PPT2: variants seen among roughly 807,000 people sequenced by gnomAD.
PPT2 encodes the protein palmitoyl-protein thioesterase 2.
In PPT2, 20 loss-of-function variants were observed where a neutral mutation model predicts 37.3. The ratio of observed to expected loss-of-function variants is 0.54; its 90% CI spans 0.38 to 0.78. The LOEUF is 0.78. Ranked by LOEUF, PPT2 falls within the 30% of genes least tolerant of loss-of-function variation. PPT2 has a pLI of 0.00. For synonymous variants in PPT2, 135 were observed against 159.1 expected (o/e 0.85, Z 1.14); for missense variants, 270 against 389.8 (o/e 0.69, Z 2.59).
rs750842535 is a variant in PPT2, at chr6:32,155,861, CG to C, written c.434-9del. 94 of 1,612,754 alleles carry C rather than the reference CG, an allele frequency of 5.8e-5. 1 individual carries two copies. Among genetic ancestry groups the C allele is most frequent in the South Asian group, 4.5e-4 (41 of 91,054 alleles). On this transcript the variant is annotated splice_polypyrimidine_tract_variant and intron_variant, in intron 4 of 8. Coordinates refer to ENST00000324816, the MANE Select transcript of PPT2 (RefSeq NM_005155.7). This position sits in a 1 kb window ranked among gnomAD's most constrained non-coding sequence, Gnocchi z 4.3. ...TTTATGGTCACTTAGCATTGCCATT[CG>C]CTTGCCAGACACGGACTACTTGAAG...
At position 32,154,414 on chromosome 6, in the gene PPT2, C is replaced by A; in HGVS notation, c.-9+10C>A. 1 of 1,453,140 alleles carries A rather than the reference C, an allele frequency of 6.9e-7. No individual in the cohort carries two copies. Among genetic ancestry groups the A allele is most frequent in the Non-Finnish European group, 9.0e-7 (1 of 1,109,344 alleles). The allele number at this position is 1,453,140 out of a possible 1,614,324, so 90.0% of individuals were successfully genotyped here. On this transcript the variant is annotated intron_variant, in intron 1 of 8. Transcript: ENST00000324816. This position sits in a 1 kb window ranked among gnomAD's most constrained non-coding sequence, Gnocchi z 7.3. ...CTTCGGGTGCGCGTTGGTGCGTCAACGTGGTGGGGGGGTGTGTTTGTAGGG... is the reference window on the plus strand; with the variant it reads ...CTTCGGGTGCGCGTTGGTGCGTCAAAGTGGTGGGGGGGTGTGTTTGTAGGG...
Position 32,155,604 on chromosome 6 carries a change from G to C in PPT2, c.338-84G>C. On this transcript the variant is annotated intron_variant, in intron 3 of 8. Coordinates refer to ENST00000324816, the MANE Select transcript of PPT2 (RefSeq NM_005155.7). The surrounding 1 kb of genome is among the most constrained non-coding windows in gnomAD (Gnocchi z 4.3). Reference sequence around the variant, plus strand: ...TGTCTCTGTGTGTGTGTGTGTGTGTGTGTGTGTGTGTGTGGTGGGGGTGGG... The same window carrying C: ...TGTCTCTGTGTGTGTGTGTGTGTGTCTGTGTGTGTGTGTGGTGGGGGTGGG... 1.1e-6 allele frequency: 1 copy of C among 872,558 alleles called. No homozygotes were observed. Among genetic ancestry groups the C allele is most frequent in the Non-Finnish European group, 1.9e-6 (1 of 522,320 alleles). 54.1% of individuals were successfully genotyped at this position (872,558 alleles called of 1,614,324 possible). A position where few individuals can be genotyped will look rare whatever the true frequency, so the allele number is the denominator to read the frequency against.
chr6:32,154,988 T>G lies in PPT2; in HGVS notation c.184-42T>G, dbSNP rs373141585. 1.4e-4 allele frequency: 224 copies of G among 1,610,808 alleles called. No individual in the cohort carries two copies. Among genetic ancestry groups the G allele is most frequent in the Non-Finnish European group, 1.8e-4 (215 of 1,179,602 alleles). The stretch of plus-strand genomic sequence containing the variant: ...GGCCAGGGGGTGGCGTGTGGGAGCT[T>G]CTTAGCCTATCCCCGGTGGCTGCAT... On this transcript the variant is annotated intron_variant, in intron 2 of 8. Transcript: ENST00000324816. The surrounding 1 kb of genome is among the most constrained non-coding windows in gnomAD (Gnocchi z 7.3).
intron 7 of PPT2, among the ~76,000 whole-genome samples, chr6:32,159,443 AAAAAAAAAATAT>A (rs1046327156): frequency 7.7e-6 from 1 of 129,322 alleles, no homozygotes; most frequent in African/African-American, 3.0e-5. Context: ...CAAAAAAAAA[AAAAAAAAAATAT>A]ATATATATAT....
At position 32,155,582 on chromosome 6, in the gene PPT2, C is replaced by G. The variant is rs113761200; in HGVS notation, c.338-106C>G. 1.1e-5 allele frequency: 7 copies of G among 652,950 alleles called. No homozygotes were observed. Among genetic ancestry groups the G allele is most frequent in the South Asian group, 5.7e-5 (3 of 52,188 alleles). The allele number at this position is 652,950 out of a possible 1,614,324, so 40.4% of individuals were successfully genotyped here. Reference sequence around the variant, plus strand: ...GTGTACAGTGTGTGTCTGTGTGTGTCTCTGTGTGTGTGTGTGTGTGTGTGT... The same window carrying G: ...GTGTACAGTGTGTGTCTGTGTGTGTGTCTGTGTGTGTGTGTGTGTGTGTGT... On this transcript the variant is annotated intron_variant, in intron 3 of 8. Transcript: ENST00000324816. This position sits in a 1 kb window ranked among gnomAD's most constrained non-coding sequence, Gnocchi z 4.3.
intron 7 of PPT2, among the ~76,000 whole-genome samples, chr6:32,158,648 T>C (rs1783946632): frequency 1.3e-5 from 2 of 152,174 alleles, no homozygotes; most frequent in South Asian, 4.1e-4. Context: ...CATACAAATA[T>C]ATATGTCAGG....
In PPT2 at chr6:32,155,516, G is replaced by C. The variant is rs1162761267; in HGVS notation, c.338-172G>C. On this transcript the variant is annotated intron_variant, in intron 3 of 8. Coordinates refer to ENST00000324816, the MANE Select transcript of PPT2 (RefSeq NM_005155.7). This position sits in a 1 kb window ranked among gnomAD's most constrained non-coding sequence, Gnocchi z 4.3. ...CACTTATATGATGTGTGACCTTTTGGCACAGGGTGTGCCTGCCTTCTGTAA... is the reference window on the plus strand; with the variant it reads ...CACTTATATGATGTGTGACCTTTTGCCACAGGGTGTGCCTGCCTTCTGTAA... Among the ~76,000 whole-genome samples the C allele has an allele frequency of 6.6e-6, 1 of 151,082 alleles. No homozygotes were observed. The highest frequency in any genetic ancestry group is 6.6e-5 in the Admixed American group (1 of 15,096).
At position 32,155,764 on chromosome 6, in the gene PPT2, A is replaced by G; in HGVS notation, c.414A>G (p.Pro138=). The change falls in exon 4 of 9, where the codon CCA becomes CCG. Residue 138 remains proline, a synonymous_variant. Coordinates refer to ENST00000324816, the MANE Select transcript of PPT2 (RefSeq NM_005155.7). The surrounding 1 kb of genome is among the most constrained non-coding windows in gnomAD (Gnocchi z 4.3). ...ATTCTTTCATCTCCCTCTCCTCTCC[A>G]CAGATGGGACAGTATGGAGGTGAGT... The part of the protein sequence containing the change: ...NVDSFISLSS[P]QMGQYGDTDY... The G allele has an allele frequency of 6.2e-7, 1 of 1,613,726 alleles. No homozygotes were observed. The highest frequency in any genetic ancestry group is 2.2e-5 in the East Asian group (1 of 44,864).
chr6:32,162,907 A>G lies in PPT2; in HGVS notation c.866A>G (p.Asn289Ser), dbSNP rs1784258194. ...ATCTCCCACACAGCCTGGCACTCCA[A>G]CCGTACCCTTTATGAGACCTGCATT... ...AGISHTAWHSNRTLYETCIEP... is the reference protein window; with the variant it reads ...AGISHTAWHSSRTLYETCIEP... Residue 289 changes from asparagine (N) to serine (S), a missense_variant, in exon 9 of 9, where the codon AAC (asparagine) becomes AGC (serine). Asn to Ser is a conservative substitution (Grantham distance 46, BLOSUM62 1). Transcript: ENST00000324816. This position sits in a 1 kb window ranked among gnomAD's most constrained non-coding sequence, Gnocchi z 5.5. 3.1e-6 allele frequency: 5 copies of G among 1,613,954 alleles called. No individual in the cohort carries two copies. In the African/African-American group the frequency reaches 4.0e-5, roughly 13 times the overall value.
At chr6:32,153,799 G>A (rs1308506749), upstream of PPT2, 4 of 1,080,080 alleles carry the variant, frequency 3.7e-6, no homozygotes, top group East Asian at 8.2e-5. This position sits in a 1 kb window ranked among gnomAD's most constrained non-coding sequence, Gnocchi z 4.4. Context: ...CGCCCCTTGG[G>A]GAATGCAAAC....
rs769773534 is a variant in PPT2, at chr6:32,162,964, G to C, written c.*14G>C. 1 of 1,605,100 alleles carries C rather than the reference G, an allele frequency of 6.2e-7. No individual in the cohort carries two copies. On this transcript the variant is annotated 3_prime_UTR_variant, in exon 9 of 9. Coordinates refer to ENST00000324816, the MANE Select transcript of PPT2 (RefSeq NM_005155.7). The surrounding 1 kb of genome is among the most constrained non-coding windows in gnomAD (Gnocchi z 5.5). Reference sequence around the variant, plus strand: ...TGGCTCTCCTGAGGATATATTCAGGGGTCCCCAGGAACTCCTCGGTCCAGA... The same window carrying C: ...TGGCTCTCCTGAGGATATATTCAGGCGTCCCCAGGAACTCCTCGGTCCAGA...
upstream of PPT2, chr6:32,153,536 G>T: frequency 6.8e-7 from 1 of 1,469,702 alleles, no homozygotes; most frequent in Non-Finnish European, 9.3e-7. This position sits in a 1 kb window ranked among gnomAD's most constrained non-coding sequence, Gnocchi z 4.4. Context: ...GTAGAGTAGG[G>T]CAGGAGAAAC....
In PPT2 at chr6:32,162,552, C is replaced by A. The variant is rs34129552; in HGVS notation, c.711-16C>A. 5 of 1,603,596 alleles carry A rather than the reference C, an allele frequency of 3.1e-6. No homozygotes were observed. The highest frequency in any genetic ancestry group is 4.5e-5 in the East Asian group (2 of 44,842). ...CTCCAGCTCTTCTGATAACCTCCCCCCAAATCTCTTTGTAGCTTCTTTGGT... is the reference window on the plus strand; with the variant it reads ...CTCCAGCTCTTCTGATAACCTCCCCACAAATCTCTTTGTAGCTTCTTTGGT... On this transcript the variant is annotated splice_polypyrimidine_tract_variant and intron_variant, in intron 7 of 8. Transcript: ENST00000324816. The surrounding 1 kb of genome is among the most constrained non-coding windows in gnomAD (Gnocchi z 5.5).
At position 32,162,927 on chromosome 6, in the gene PPT2, T is replaced by C. The variant is rs1784259610; in HGVS notation, c.886T>C (p.Cys296Arg). Residue 296 changes from cysteine (C) to arginine (R), a missense_variant, in exon 9 of 9, where the codon TGC (cysteine) becomes CGC (arginine). Cys to Arg is a radical substitution (Grantham distance 180). Transcript: ENST00000324816. This position sits in a 1 kb window ranked among gnomAD's most constrained non-coding sequence, Gnocchi z 5.5. ...WHSNRTLYETCIEPWLS is the reference protein window; with the variant it reads ...WHSNRTLYETRIEPWLS ...CTCCAACCGTACCCTTTATGAGACC[T>C]GCATTGAACCTTGGCTCTCCTGAGG... 1 of 1,613,880 alleles carries C rather than the reference T, an allele frequency of 6.2e-7. No individual in the cohort carries two copies. Among genetic ancestry groups the C allele is most frequent in the Admixed American group, 1.7e-5 (1 of 59,948 alleles).
At chr6:32,160,175 G>A (rs370171944) in intron 7 of PPT2, among the ~76,000 whole-genome samples, 3 of 150,636 alleles carry the variant, frequency 2.0e-5, no homozygotes, top group Non-Finnish European at 4.4e-5. Flanking sequence ...CTCCTGAGTC[G>A]CTGGGACTAC....
chr6:32,157,969 C>T (rs747198344), intron 7 of PPT2, 45 bp downstream of exon 7: 5 of 1,510,330 alleles, frequency 3.3e-6, no homozygotes, highest in Admixed American at 3.5e-5. Context: ...AAGACATCCC[C>T]CAACCCCAGT....
rs922113449 is a variant in PPT2, at chr6:32,156,214, T to C, written c.541+236T>C. On this transcript the variant is annotated intron_variant, in intron 5 of 8. Transcript: ENST00000324816. The surrounding 1 kb of genome is among the most constrained non-coding windows in gnomAD (Gnocchi z 4.9). Reference sequence around the variant, plus strand: ...TCCGCCTCCCAGGTTCAAGTGATCCTCCTGCCTCAGTCCCCCTAGTAGCTG... The same window carrying C: ...TCCGCCTCCCAGGTTCAAGTGATCCCCCTGCCTCAGTCCCCCTAGTAGCTG... 4.6e-5 allele frequency among the ~76,000 whole-genome samples: 7 copies of C among 152,038 alleles called. No individual in the cohort carries two copies. The highest frequency in any genetic ancestry group is 1.4e-4 in the African/African-American group (6 of 41,402).
In PPT2 at chr6:32,155,850, G is replaced by A. The variant is rs1311149226; in HGVS notation, c.434-21G>A. On this transcript the variant is annotated intron_variant, in intron 4 of 8. Coordinates refer to ENST00000324816, the MANE Select transcript of PPT2 (RefSeq NM_005155.7). The surrounding 1 kb of genome is among the most constrained non-coding windows in gnomAD (Gnocchi z 4.3). ...GGGAACAGAGGTTTATGGTCACTTA[G>A]CATTGCCATTCGCTTGCCAGACACG... The A allele has an allele frequency of 6.2e-7, 1 of 1,612,048 alleles. No individual in the cohort carries two copies. The highest frequency in any genetic ancestry group is 8.5e-7 in the Non-Finnish European group (1 of 1,178,150).
Position 32,162,979 on chromosome 6 carries a change from C to T in PPT2, c.*29C>T. The T allele has an allele frequency of 1.3e-6, 2 of 1,596,224 alleles. No individual in the cohort carries two copies. The highest frequency in any genetic ancestry group is 1.7e-6 in the Non-Finnish European group (2 of 1,170,734). ...TATATTCAGGGGTCCCCAGGAACTC[C>T]TCGGTCCAGAGACCAAGTGGTGGCC... On this transcript the variant is annotated 3_prime_UTR_variant, in exon 9 of 9. Transcript: ENST00000324816. The surrounding 1 kb of genome is among the most constrained non-coding windows in gnomAD (Gnocchi z 5.5).
Sources: gnomAD v4.1 joint callset for allele counts (sites outside exome capture counted in the v4.1 genomes callset) on GRCh38, gnomAD v4.1.1 for gene constraint, Gnocchi (gnomAD v3.1) non-coding constraint, MANE v1.5 for transcripts, NCBI Gene and HGNC (gene_info 2026-07-23, HGNC 2026-07-21) for gene names.